The following OTUD6B variants were observed in gnomAD, a reference collection of about 807,000 sequenced individuals.
The protein encoded by OTUD6B is OTU deubiquitinase 6B, also known as deubiquitinase OTUD6B.
Under a neutral mutation model 36.9 loss-of-function variants are expected in OTUD6B, and 41 were observed. That is an observed-to-expected ratio of 1.11 (90% CI 0.87 to 1.44). The LOEUF (loss-of-function observed/expected upper bound fraction) is 1.44, where lower values mean the gene tolerates loss of function less well. OTUD6B is among the 40% of genes most tolerant of loss of function. The pLI, the probability that OTUD6B is intolerant of heterozygous loss-of-function variation, is 0.00. For missense variants in OTUD6B, 356 were observed against 344.8 expected (o/e 1.03, Z -0.26); for synonymous variants, 114 against 114.2 (o/e 1.00, Z 0.01).
In OTUD6B at chr8:91,070,377, T is replaced by C. The variant is rs1327787907; in HGVS notation, c.-8T>C. ...CTTCTAGCGCGTGTGCTGGGGTACC[T>C]GGTCGTCATGGAGGCGGTATTGACC... On this transcript the variant is annotated 5_prime_UTR_variant, in exon 1 of 7. Coordinates refer to ENST00000404789, the MANE Select transcript of OTUD6B (RefSeq NM_016023.5). 1.8e-5 allele frequency: 29 copies of C among 1,610,776 alleles called. No homozygotes were observed. Among genetic ancestry groups the C allele is most frequent in the African/African-American group, 4.0e-5 (3 of 74,888 alleles).
chr8:91,076,549 T>C, intron 3 of OTUD6B: 1 of 1,526,432 alleles, frequency 6.6e-7, no homozygotes, highest in Non-Finnish European at 8.8e-7. Context: ...CATGACATCA[T>C]TAACTCCAGC....
At chr8:91,074,967 C>G (rs1039074634) in intron 3 of OTUD6B, among the ~76,000 whole-genome samples, 3 of 151,936 alleles carry the variant, frequency 2.0e-5, no homozygotes, top group Non-Finnish European at 2.9e-5. Context: ...ATTTCCAAAG[C>G]CTTTAACACA....
chr8:91,080,679 G>C lies in OTUD6B; in HGVS notation c.639G>C (p.Gln213His). ...TGDMYTPEEF[Q>H]KYCEDIVNTA... ...ACCTAATCTCTACAGAAGAATTTCA[G>C]AAGTACTGTGAAGATATTGTAAACA... Residue 213 changes from glutamine to histidine, a missense_variant, in exon 5 of 7, where the codon CAG (glutamine) becomes CAC (histidine). Coordinates refer to ENST00000404789, the MANE Select transcript of OTUD6B (RefSeq NM_016023.5). The C allele has an allele frequency of 1.2e-6, 2 of 1,601,676 alleles. No individual in the cohort carries two copies. Among genetic ancestry groups the C allele is most frequent in the Non-Finnish European group, 8.5e-7 (1 of 1,173,244 alleles).
chr8:91,081,476 C>G (rs1812906312), intron 5 of OTUD6B, among the ~76,000 whole-genome samples: 1 of 151,678 alleles, frequency 6.6e-6, no homozygotes, highest in African/African-American at 2.4e-5. Flanking sequence ...CAGGTCCTGG[C>G]ATTTTCTTCC....
rs1064797102 is a variant in OTUD6B, at chr8:91,071,136, A to G, written c.83-2A>G. 1.2e-6 allele frequency: 2 copies of G among 1,611,850 alleles called. No individual in the cohort carries two copies. Among genetic ancestry groups the G allele is most frequent in the Middle Eastern group, 3.3e-4 (2 of 6,058 alleles). On this transcript the variant is annotated splice_acceptor_variant, in intron 1 of 6. Coordinates refer to ENST00000404789, the MANE Select transcript of OTUD6B (RefSeq NM_016023.5). LOFTEE classifies it high-confidence loss of function. ...GACTTAATGATTTTAATGGCTTTTC[A>G]GCCAAAATTCAGGGCATGAAGAATG...
intron 4 of OTUD6B, among the ~76,000 whole-genome samples, chr8:91,080,240 A>G (rs1229177185): frequency 2.6e-5 from 4 of 152,076 alleles, no homozygotes; most frequent in African/African-American, 9.7e-5. Flanking sequence ...CTCTTCGTAT[A>G]TTTCCCAGAG....
At chr8:91,076,714 G>A (rs1219221983) in intron 3 of OTUD6B, 2 of 1,094,386 alleles carry the variant, frequency 1.8e-6, no homozygotes, top group Non-Finnish European at 2.7e-6. Flanking sequence ...AGGGGTTTTG[G>A]ATTAGATGAT....
intron 5 of OTUD6B, 26 bp downstream of exon 5, chr8:91,080,756 T>G: frequency 6.5e-7 from 1 of 1,530,218 alleles, no homozygotes; most frequent in South Asian, 1.2e-5. Flanking sequence ...TTCATAGTGA[T>G]TGTGGGTTGT....
intron 3 of OTUD6B, chr8:91,076,574 A>G (rs1175227766): frequency 8.5e-6 from 13 of 1,529,254 alleles, no homozygotes; most frequent in Admixed American, 3.9e-5. Flanking sequence ...ATCTGCTCCA[A>G]CTTTTATTCT....
intron 4 of OTUD6B, 66 bp from the exon 5 acceptor site, chr8:91,080,603 A>G: frequency 6.5e-7 from 1 of 1,533,760 alleles, no homozygotes; most frequent in Non-Finnish European, 8.8e-7. Flanking sequence ...TGGGAACTAT[A>G]AAAGGGATTT....
chr8:91,085,165 G>GT lies in OTUD6B; in HGVS notation c.*299dup, dbSNP rs1430254467. ...TAAGATCCTGGACATTCTGTTTTGTGTTGGAACAAATTTTCAATGTTTTTA... is the reference window on the plus strand; with the variant it reads ...TAAGATCCTGGACATTCTGTTTTGTGTTTGGAACAAATTTTCAATGTTTTTA... On this transcript the variant is annotated 3_prime_UTR_variant, in exon 7 of 7. Transcript: ENST00000404789. The GT allele has an allele frequency of 5.6e-6, 1 of 178,164 alleles. No homozygotes were observed. Among genetic ancestry groups the GT allele is most frequent in the African/African-American group, 2.3e-5 (1 of 42,556 alleles). 11.0% of individuals were successfully genotyped at this position (178,164 alleles called of 1,614,324 possible).
chr8:91,076,544 C>A, intron 3 of OTUD6B: 1 of 1,525,184 alleles, frequency 6.6e-7, no homozygotes, highest in South Asian at 1.2e-5. Flanking sequence ...TAGTACATGA[C>A]ATCATTAACT....
Position 91,078,598 on chromosome 8 carries a change from T to A in OTUD6B, c.558T>A (p.Tyr186Ter), listed in dbSNP as rs1812844705. 1 of 1,603,446 alleles carries A rather than the reference T, an allele frequency of 6.2e-7. No homozygotes were observed. Among genetic ancestry groups the A allele is most frequent in the South Asian group, 1.1e-5 (1 of 89,246 alleles). Residue 186 changes from tyrosine (Y) to a stop codon, truncating the protein, a stop_gained, in exon 4 of 7, where the codon TAT (tyrosine) becomes TAA (stop). Coordinates refer to ENST00000404789, the MANE Select transcript of OTUD6B (RefSeq NM_016023.5). LOFTEE classifies it high-confidence loss of function. ...VVALRSQTAEYMQSHVEDFLP... is the reference protein window; with the variant it reads ...VVALRSQTAE ...CCTTGAGAAGTCAGACCGCTGAGTATATGCAAAGCCATGTGGAAGACTTTC... is the reference window on the plus strand; with the variant it reads ...CCTTGAGAAGTCAGACCGCTGAGTAAATGCAAAGCCATGTGGAAGACTTTC...
chr8:91,076,708 G>A (rs1812809288), intron 3 of OTUD6B: 3 of 1,185,200 alleles, frequency 2.5e-6, no homozygotes, highest in Admixed American at 4.0e-5. Flanking sequence ...AAAATGAGGG[G>A]TTTTGGATTA....
chr8:91,085,656 C>T lies in OTUD6B; in HGVS notation c.*788C>T, dbSNP rs1222921871. The T allele has an allele frequency of 6.6e-6, 1 of 151,834 alleles. No individual in the cohort carries two copies. Among genetic ancestry groups the T allele is most frequent in the Non-Finnish European group, 1.5e-5 (1 of 67,920 alleles). The allele number at this position is 151,834 out of a possible 1,614,324, so 9.4% of individuals were successfully genotyped here. On this transcript the variant is annotated 3_prime_UTR_variant, in exon 7 of 7. Coordinates refer to ENST00000404789, the MANE Select transcript of OTUD6B (RefSeq NM_016023.5). ...TTAAGCATCGGACTGGAGTTAGTAC[C>T]ATCATCTCTTGAGTCTTTCATAACT...
At chr8:91,080,937 CTA>C (rs1229100378) in intron 5 of OTUD6B, among the ~76,000 whole-genome samples, 2 of 152,232 alleles carry the variant, frequency 1.3e-5, no homozygotes, top group East Asian at 1.9e-4. Flanking sequence ...GATTGAAACA[CTA>C]TTACATTTTA....
intron 4 of OTUD6B, among the ~76,000 whole-genome samples, chr8:91,080,221 A>G (rs1353197308): frequency 1.3e-5 from 2 of 152,082 alleles, no homozygotes; most frequent in African/African-American, 2.4e-5. Context: ...CTGTACTTTT[A>G]CTCGAATTCT....
chr8:91,086,597 A>C lies in OTUD6B; in HGVS notation c.*1729A>C, dbSNP rs1283870007. The C allele has an allele frequency of 2.0e-5, 3 of 152,126 alleles. No individual in the cohort carries two copies. Among genetic ancestry groups the C allele is most frequent in the Non-Finnish European group, 4.4e-5 (3 of 67,990 alleles). 9.4% of individuals were successfully genotyped at this position (152,126 alleles called of 1,614,324 possible). ...ACCCAGTATTATAAATGTTATCTACATCTAAAGTATTTTAAAATAACTTAT... is the reference window on the plus strand; with the variant it reads ...ACCCAGTATTATAAATGTTATCTACCTCTAAAGTATTTTAAAATAACTTAT... On this transcript the variant is annotated 3_prime_UTR_variant, in exon 7 of 7. Coordinates refer to ENST00000404789, the MANE Select transcript of OTUD6B (RefSeq NM_016023.5).
rs1812962093 is a variant in OTUD6B, at chr8:91,084,113, G to A, written c.796G>A (p.Val266Ile). The A allele has an allele frequency of 2.7e-6, 4 of 1,459,780 alleles. No individual in the cohort carries two copies. The highest frequency in any genetic ancestry group is 2.1e-5 in the Admixed American group (1 of 48,200). 90.4% of individuals were successfully genotyped at this position (1,459,780 alleles called of 1,614,324 possible). A position where few individuals can be genotyped will look rare whatever the true frequency, so the allele number is the denominator to read the frequency against. The change falls in exon 6 of 7, where the codon GTA (valine) becomes ATA (isoleucine). Residue 266 changes from valine (V) to isoleucine (I), a missense_variant and splice_region_variant. Coordinates refer to ENST00000404789, the MANE Select transcript of OTUD6B (RefSeq NM_016023.5). ...EEYSKKPLILVYMRHAYGLGE... is the reference protein window; with the variant it reads ...EEYSKKPLILIYMRHAYGLGE... Reference sequence around the variant, plus strand: ...ATATTCAAAAAAACCACTAATACTTGTGTAAGTACCTAGACATTTTTACTG... The same window carrying A: ...ATATTCAAAAAAACCACTAATACTTATGTAAGTACCTAGACATTTTTACTG...
Sources: allele counts gnomAD v4.1 joint callset (sites outside exome capture counted in the v4.1 genomes callset), GRCh38; gene constraint gnomAD v4.1.1; transcripts MANE v1.5; gene names NCBI Gene and HGNC (gene_info 2026-07-23, HGNC 2026-07-21).